The following TMEM244 variants were observed in gnomAD, a reference collection of about 807,000 sequenced individuals.
TMEM244 encodes the protein transmembrane protein 244, also known as putative transmembrane protein 244.
Under a neutral mutation model 15.8 loss-of-function variants are expected in TMEM244, and 13 were observed. The observed-to-expected ratio is 0.82, with a 90% CI of 0.53 to 1.30. The LOEUF (loss-of-function observed/expected upper bound fraction) is 1.30. Ranked by LOEUF, TMEM244 falls within the 50% of genes most tolerant of loss-of-function variation. The pLI is 0.00. For missense variants in TMEM244, 161 were observed against 144.9 expected, an observed-to-expected ratio of 1.11 and a Z score of -0.57; for synonymous variants, 45 against 48.7, an observed-to-expected ratio of 0.92 and a Z score of 0.32.
intron 1 of TMEM244, among the ~76,000 whole-genome samples, chr6:129,857,060 T>C (rs1776722722): frequency 1.3e-5 from 2 of 152,062 alleles, no homozygotes; most frequent in South Asian, 4.1e-4. Context: ...CCTCTTCCAT[T>C]ACATTATCTA....
intron 1 of TMEM244, among the ~76,000 whole-genome samples, chr6:129,852,604 A>G (rs1167615187): frequency 2.0e-5 from 3 of 152,184 alleles, no homozygotes; most frequent in Non-Finnish European, 4.4e-5. Context: ...GCAAAGTCCT[A>G]GGGACCAGAG....
intron 3 of TMEM244, among the ~76,000 whole-genome samples, chr6:129,838,946 C>A (rs1055540727): frequency 7.0e-6 from 1 of 143,414 alleles, no homozygotes; most frequent in Non-Finnish European, 1.6e-5. Context: ...AATGGCCTAT[C>A]AACCAAAAAA....
intron 1 of TMEM244, among the ~76,000 whole-genome samples, chr6:129,848,594 A>AC (rs1361250395): frequency 1.3e-5 from 2 of 152,146 alleles, no homozygotes; most frequent in African/African-American, 4.8e-5. Context: ...AAGATCAAAA[A>AC]AAAAATGTAG....
chr6:129,831,982 G>A lies in TMEM244; in HGVS notation c.320-596C>T, dbSNP rs1776334704. 3.3e-5 allele frequency among the ~76,000 whole-genome samples: 5 copies of A among 152,230 alleles called. 1 individual carries two copies. The South Asian group carries it at 1.0e-3, about 32-fold the overall frequency. ...AGTTACTGAGGGAGGGTTTGTGTCT[G>A]TGGAAACTGATACTAGGTGATGAAT... On this transcript the variant is annotated intron_variant, in intron 4 of 4. Transcript: ENST00000368143.
At chr6:129,847,395 G>A (rs1776575092) in intron 1 of TMEM244, among the ~76,000 whole-genome samples, 1 of 152,146 alleles carries the variant, frequency 6.6e-6, no homozygotes, top group Non-Finnish European at 1.5e-5. Flanking sequence ...TCACCAAACT[G>A]ACCACATATT....
At chr6:129,835,229 C>G (rs1272155749) in intron 3 of TMEM244, among the ~76,000 whole-genome samples, 7 of 151,982 alleles carry the variant, frequency 4.6e-5, no homozygotes. Context: ...GACTCTGTCT[C>G]TAAAAGAAAT....
chr6:129,834,990 G>A (rs1776382983), intron 3 of TMEM244, among the ~76,000 whole-genome samples: 1 of 150,250 alleles, frequency 6.7e-6, no homozygotes. Flanking sequence ...TATATTAATA[G>A]AGAATACTTA....
At chr6:129,832,942 A>G (rs2114631430) in intron 4 of TMEM244, among the ~76,000 whole-genome samples, 1 of 152,304 alleles carries the variant, frequency 6.6e-6, no homozygotes, top group East Asian at 1.9e-4. Flanking sequence ...GAGGAAAAAT[A>G]TGTCTTACAG....
At chr6:129,833,704 A>T (rs1434859304) in intron 3 of TMEM244, 119 bp from the exon 4 acceptor site, 3 of 1,012,186 alleles carry the variant, frequency 3.0e-6, no homozygotes, top group Non-Finnish European at 4.3e-6. Context: ...AGAATTTTTT[A>T]AATGTTCCAT....
intron 1 of TMEM244, 87 bp downstream of exon 1, chr6:129,861,069 A>G: frequency 1.4e-6 from 2 of 1,457,100 alleles, no homozygotes; most frequent in Non-Finnish European, 1.9e-6. Flanking sequence ...TTGCCCACTG[A>G]CAGAGAGGCC....
At chr6:129,847,775 C>CTTT (rs34238013) in intron 1 of TMEM244, among the ~76,000 whole-genome samples, 1 of 137,490 alleles carries the variant, frequency 7.3e-6, no homozygotes, top group Non-Finnish European at 1.6e-5. Flanking sequence ...TTTCTTTTTT[C>CTTT]TTTTTTTTTT....
At chr6:129,860,314 C>T (rs963813612) in intron 1 of TMEM244, among the ~76,000 whole-genome samples, 1 of 152,022 alleles carries the variant, frequency 6.6e-6, no homozygotes, top group Admixed American at 6.6e-5. Flanking sequence ...TTTAATAACC[C>T]CTTAAAAATA....
At position 129,843,572 on chromosome 6, in the gene TMEM244, C is replaced by T. The variant is rs758295359; in HGVS notation, c.151G>A (p.Asp51Asn). 1 of 1,612,304 alleles carries T rather than the reference C, an allele frequency of 6.2e-7. No homozygotes were observed. Among genetic ancestry groups the T allele is most frequent in the South Asian group, 1.1e-5 (1 of 90,938 alleles). Residue 51 changes from aspartate (D) to asparagine (N), a missense_variant, in exon 3 of 5, where the codon GAT (aspartate) becomes AAT (asparagine). Physicochemically the swap from Asp to Asn is conservative, Grantham distance 23. Transcript: ENST00000368143. Reference sequence around the variant, plus strand: ...AGCCATGAGGGATTTGTTTTGAAATCAAATGGAGCCAGGACATTCAACTCA... The same window carrying T: ...AGCCATGAGGGATTTGTTTTGAAATTAAATGGAGCCAGGACATTCAACTCA... ...VHELNVLAPFDFKTNPSWLNI... is the reference protein window; with the variant it reads ...VHELNVLAPFNFKTNPSWLNI...
At chr6:129,835,519 A>T (rs1026994852) in intron 3 of TMEM244, among the ~76,000 whole-genome samples, 3 of 152,070 alleles carry the variant, frequency 2.0e-5, no homozygotes, top group Middle Eastern at 6.9e-3. Context: ...TGCATTTCCA[A>T]TTAAGGTACC....
chr6:129,861,159 G>C lies in TMEM244; in HGVS notation c.30C>G (p.Ser10Arg), dbSNP rs188347150. The change falls in exon 1 of 5, where the codon AGC (serine) becomes AGG (arginine). Residue 10 changes from serine to arginine, a missense_variant. Transcript: ENST00000368143. MALQVRVAPSKVVLQKFLLC... is the reference protein window; with the variant it reads MALQVRVAPRKVVLQKFLLC... ...CAAAGAAGTAATTTCTCTTTACCTT[G>C]CTTGGAGCAACTCTGACCTGGAGAG... 1,656 of 1,613,782 alleles carry C rather than the reference G, an allele frequency of 1.0e-3. 2 individuals carry two copies. The highest frequency in any genetic ancestry group is 8.8e-4 in the Non-Finnish European group (1,043 of 1,179,742).
intron 1 of TMEM244, among the ~76,000 whole-genome samples, chr6:129,850,586 T>C (rs550036997): frequency 6.0e-4 from 92 of 152,342 alleles, no homozygotes; most frequent in Admixed American, 3.9e-3. Flanking sequence ...ATTGATGATC[T>C]AGCCCAGTGC....
intron 3 of TMEM244, among the ~76,000 whole-genome samples, chr6:129,835,960 A>C (rs113583269): frequency 7.2e-5 from 11 of 152,340 alleles, no homozygotes; most frequent in African/African-American, 2.6e-4. Context: ...TACTGCCTCT[A>C]TAGATTCTAC....
chr6:129,858,785 G>A (rs1006646053), intron 1 of TMEM244, among the ~76,000 whole-genome samples: 5 of 148,798 alleles, frequency 3.4e-5, no homozygotes, highest in Non-Finnish European at 5.9e-5. Context: ...GACCACTATA[G>A]TAGGAACCAT....
chr6:129,856,235 A>C (rs1299659742), intron 1 of TMEM244, among the ~76,000 whole-genome samples: 2 of 151,946 alleles, frequency 1.3e-5, no homozygotes, highest in Non-Finnish European at 2.9e-5. Flanking sequence ...TATCCCCATC[A>C]TTTTTGTACT....
Sources: gnomAD v4.1 joint callset for allele counts (sites outside exome capture counted in the v4.1 genomes callset) on GRCh38, gnomAD v4.1.1 for gene constraint, MANE v1.5 for transcripts, NCBI Gene and HGNC (gene_info 2026-07-23, HGNC 2026-07-21) for gene names.